Variants in KIF15 observed in about 807,000 individuals in gnomAD.
KIF15 encodes the protein kinesin family member 15, also known as kinesin-like protein KIF15.
A neutral mutation model predicts 190.6 loss-of-function variants in KIF15; 140 were observed. The ratio of observed to expected loss-of-function variants is 0.73; its 90% CI spans 0.64 to 0.84. KIF15 has a LOEUF of 0.84. Ranked by LOEUF, KIF15 falls within the 40% of genes least tolerant of loss-of-function variation. The probability of loss-of-function intolerance (pLI) is 0.00; values close to 1 mark genes in which losing one functional copy is unlikely to be tolerated. For missense variants in KIF15, 1,372 were observed against 1,584.4 expected (o/e 0.87, Z 2.28); for synonymous variants, 528 against 551.3 (o/e 0.96, Z 0.59).
chr3:44,868,460 A>G (rs1699343726), intron 6 of KIF15, among the ~76,000 whole-genome samples: 1 of 152,214 alleles, frequency 6.6e-6, no homozygotes, highest in African/African-American at 2.4e-5. Context: ...TTGTGTGAAC[A>G]TGTTTTCAAT....
chr3:44,769,208 A>G (rs1705541582), intron 1 of KIF15, among the ~76,000 whole-genome samples: 1 of 152,180 alleles, frequency 6.6e-6, no homozygotes, highest in African/African-American at 2.4e-5. Flanking sequence ...GGAAAAGGAA[A>G]AAAGAAGGTG....
intron 15 of KIF15, 41 bp downstream of exon 15, chr3:44,805,209 C>G (rs1707441398): frequency 6.4e-7 from 1 of 1,562,710 alleles, no homozygotes; most frequent in Non-Finnish European, 8.7e-7. Context: ...TATTTTCTTT[C>G]AGTGTTCATT....
rs751745025 is a variant in KIF15, at chr3:44,815,126, C to G, written c.2549+50C>G. 5.0e-6 allele frequency: 7 copies of G among 1,393,968 alleles called. No homozygotes were observed. In the South Asian group the frequency reaches 1.1e-4, roughly 23 times the overall value. 86.3% of individuals were successfully genotyped at this position (1,393,968 alleles called of 1,614,324 possible). A position where few individuals can be genotyped will look rare whatever the true frequency, so the allele number is the denominator to read the frequency against. On this transcript the variant is annotated intron_variant, in intron 20 of 34. Coordinates refer to ENST00000326047, the MANE Select transcript of KIF15 (RefSeq NM_020242.3). ...AAGTTGCCTGATTGGCTGTAACCTACGACTGTTTGAAGTTGGAAGTGTTAT... is the reference window on the plus strand; with the variant it reads ...AAGTTGCCTGATTGGCTGTAACCTAGGACTGTTTGAAGTTGGAAGTGTTAT...
At chr3:44,839,684 C>T (rs1216590925) in intron 27 of KIF15, among the ~76,000 whole-genome samples, 1 of 152,148 alleles carries the variant, frequency 6.6e-6, no homozygotes, top group African/African-American at 2.4e-5. Context: ...ATTCATGTCT[C>T]CTTCCACCCC....
chr3:44,856,606 G>A (rs1699192065), downstream of KIF15, among the ~76,000 whole-genome samples: 1 of 152,128 alleles, frequency 6.6e-6, no homozygotes, highest in African/African-American at 2.4e-5. Context: ...ATGAGACGGA[G>A]AAAAACTGGC....
In KIF15 at chr3:44,840,974, G is replaced by A. The variant is rs116610634; in HGVS notation, c.3421-100G>A. 2,981 of 1,152,260 alleles carry A rather than the reference G, an allele frequency of 2.6e-3. 54 individuals carry two copies. The African/African-American group carries it at 0.04, about 16-fold the overall frequency. 71.4% of individuals were successfully genotyped at this position (1,152,260 alleles called of 1,614,324 possible). The stretch of plus-strand genomic sequence containing the variant: ...CAGGTGTGAGCCACCATGCCCAGCC[G>A]TAGCTAGAATATTTTTTATGTACTT... On this transcript the variant is annotated intron_variant, in intron 28 of 34. Coordinates refer to ENST00000326047, the MANE Select transcript of KIF15 (RefSeq NM_020242.3).
At chr3:44,770,844 A>G (rs1705610094) in intron 1 of KIF15, among the ~76,000 whole-genome samples, 2 of 152,240 alleles carry the variant, frequency 1.3e-5, no homozygotes, top group South Asian at 4.1e-4. Context: ...TAAATAGTTC[A>G]AAATAAGTTT....
At chr3:44,804,916 T>A in intron 14 of KIF15, 111 bp from the exon 15 acceptor site, 1 of 1,164,858 alleles carries the variant, frequency 8.6e-7, no homozygotes, top group Non-Finnish European at 1.2e-6. Flanking sequence ...GGGGCTTTAG[T>A]ACACTATGAT....
At chr3:44,819,363 C>T (rs972800552) in intron 20 of KIF15, among the ~76,000 whole-genome samples, 1 of 152,182 alleles carries the variant, frequency 6.6e-6, no homozygotes, top group Non-Finnish European at 1.5e-5. Flanking sequence ...ATCTTTCCTG[C>T]TTTCTCCTGT....
intron 6 of KIF15, among the ~76,000 whole-genome samples, chr3:44,860,986 ATTTTAT>A (rs1464253438): frequency 6.6e-6 from 1 of 152,062 alleles, no homozygotes; most frequent in African/African-American, 2.4e-5. Context: ...AAATGGGAAC[ATTTTAT>A]TTTTATTTTT....
At position 44,843,346 on chromosome 3, in the gene KIF15, T is replaced by C. The variant is rs994613361; in HGVS notation, c.3695+112T>C. The C allele has an allele frequency of 9.1e-6, 6 of 662,926 alleles. No individual in the cohort carries two copies. The East Asian group carries it at 1.1e-4, about 12-fold the overall frequency. 41.1% of individuals were successfully genotyped at this position (662,926 alleles called of 1,614,324 possible). On this transcript the variant is annotated intron_variant, in intron 30 of 34. Coordinates refer to ENST00000326047, the MANE Select transcript of KIF15 (RefSeq NM_020242.3). ...TCCCAAGGTGTACAATGTTTCCCACTAATCCAGGAGATGGTCTTTTGGTTG... is the reference window on the plus strand; with the variant it reads ...TCCCAAGGTGTACAATGTTTCCCACCAATCCAGGAGATGGTCTTTTGGTTG...
intron 6 of KIF15, among the ~76,000 whole-genome samples, chr3:44,867,483 G>A (rs555141198): frequency 1.3e-5 from 2 of 152,352 alleles, no homozygotes; most frequent in African/African-American, 2.4e-5. Context: ...ATAGCTGGTG[G>A]TCGGCCTCCC....
chr3:44,775,496 AC>A, intron 3 of KIF15, 59 bp downstream of exon 3: 1 of 1,321,294 alleles, frequency 7.6e-7, no homozygotes, highest in Non-Finnish European at 1.0e-6. Flanking sequence ...TCACTCTGTC[AC>A]CAGGCTGGAG....
intron 26 of KIF15, among the ~76,000 whole-genome samples, chr3:44,836,605 G>C (rs1698335199): frequency 6.6e-6 from 1 of 152,132 alleles, no homozygotes; most frequent in African/African-American, 2.4e-5. Context: ...GTGGAAAATG[G>C]ACATAGGTAG....
intron 14 of KIF15, among the ~76,000 whole-genome samples, chr3:44,804,007 C>T (rs768956090): frequency 2.0e-5 from 3 of 152,020 alleles, no homozygotes; most frequent in East Asian, 3.9e-4. Flanking sequence ...ACCACCACAC[C>T]GAGCCAATTT....
At chr3:44,784,972 A>G in intron 6 of KIF15, 30 bp downstream of exon 6, 1 of 1,189,888 alleles carries the variant, frequency 8.4e-7, no homozygotes, top group South Asian at 1.3e-5. Context: ...AAGTGGTTCT[A>G]TGAAATGTCT....
At chr3:44,815,965 A>G (rs1708013884) in intron 20 of KIF15, among the ~76,000 whole-genome samples, 1 of 152,216 alleles carries the variant, frequency 6.6e-6, no homozygotes, top group Admixed American at 6.5e-5. Context: ...TTTTGGATAT[A>G]CAACCAGAAA....
intron 30 of KIF15, among the ~76,000 whole-genome samples, chr3:44,845,763 G>A (rs1479250441): frequency 6.6e-6 from 1 of 152,096 alleles, no homozygotes; most frequent in Non-Finnish European, 1.5e-5. Context: ...CACTCACCCT[G>A]CAACAGAGCT....
At chr3:44,854,855 T>C (rs1699169793), downstream of KIF15, among the ~76,000 whole-genome samples, 1 of 152,206 alleles carries the variant, frequency 6.6e-6, no homozygotes, top group Non-Finnish European at 1.5e-5. Context: ...AGAAAGACAC[T>C]AGTCATATTG....
Sources: allele counts gnomAD v4.1 joint callset (sites outside exome capture counted in the v4.1 genomes callset), GRCh38; gene constraint gnomAD v4.1.1; transcripts MANE v1.5; gene names NCBI Gene and HGNC (gene_info 2026-07-23, HGNC 2026-07-21).